Variants in OVCH1 observed in about 807,000 individuals in gnomAD.
The protein encoded by OVCH1 is ovochymase 1, also known as ovochymase-1.
In OVCH1, 139 loss-of-function variants were observed where a neutral mutation model predicts 138.4. That is an observed-to-expected ratio of 1.00 (90% CI 0.87 to 1.16). The LOEUF (loss-of-function observed/expected upper bound fraction) is 1.16, where lower values mean the gene tolerates loss of function less well. Ranked by LOEUF, OVCH1 falls within the 50% of genes most tolerant of loss-of-function variation. The pLI, the probability that OVCH1 is intolerant of heterozygous loss-of-function variation, is 0.00. For missense variants in OVCH1, 1,367 were observed against 1,357.9 expected (o/e 1.01, Z -0.11); for synonymous variants, 453 against 467.8 (o/e 0.97, Z 0.41).
intron 26 of OVCH1, among the ~76,000 whole-genome samples, chr12:29,436,925 G>C (rs1317688515): frequency 6.6e-6 from 1 of 152,158 alleles, no homozygotes; most frequent in Non-Finnish European, 1.5e-5. Context: ...GACCCAAGCG[G>C]GTTGCTGCTG....
chr12:29,496,476 A>G, intron 2 of OVCH1, 80 bp downstream of exon 2: 1 of 1,328,816 alleles, frequency 7.5e-7, no homozygotes, highest in East Asian at 2.3e-5. Flanking sequence ...ACTACATATC[A>G]ACGTGCATTC....
At chr12:29,492,746 A>C (rs1352170899) in intron 4 of OVCH1, among the ~76,000 whole-genome samples, 1 of 152,170 alleles carries the variant, frequency 6.6e-6, no homozygotes, top group Non-Finnish European at 1.5e-5. Context: ...GGATGAGGTC[A>C]CAAAGAGAAT....
rs760590138 is a variant in OVCH1 at position 29,464,577 on chromosome 12, G to C, written c.2055C>G (p.Leu685=). The change falls in exon 18 of 28, where the codon CTC becomes CTG. Residue 685 remains leucine, a synonymous_variant. Transcript: ENST00000318184. ...AAAATAGAGGCTCTGCGCTGTGTGG[G>C]AGACATACTGGCCTCACCACCGAGT... 8 of 1,613,484 alleles carry C rather than the reference G, an allele frequency of 5.0e-6. No homozygotes were observed. The East Asian group carries it at 1.8e-4, about 36-fold the overall frequency.
At position 29,484,463 on chromosome 12, in the gene OVCH1, C is replaced by T. The variant is rs374807548; in HGVS notation, c.995+1783G>A. ...CAAAAAATATCAGATAAAATAGATA[C>T]TTTTATATTAGAACTGGAGATACCA... On this transcript the variant is annotated intron_variant, in intron 8 of 27. Transcript: ENST00000318184. Among the ~76,000 whole-genome samples, 37 of 152,214 alleles carry T rather than the reference C, an allele frequency of 2.4e-4. No homozygotes were observed. In the East Asian group the frequency reaches 6.2e-3, roughly 25 times the overall value.
At chr12:29,419,470 A>C (rs1361058722) in intron 3 of OVCH1, among the ~76,000 whole-genome samples, 3 of 143,374 alleles carry the variant, frequency 2.1e-5, no homozygotes, top group Non-Finnish European at 3.1e-5. Context: ...TTTTTTTTTA[A>C]TTTTTAGTAG....
the OVCH1 span, among the ~76,000 whole-genome samples, chr12:29,405,166 A>G: frequency 6.6e-6 from 1 of 152,116 alleles, no homozygotes; most frequent in Admixed American, 6.6e-5. Flanking sequence ...CACTTCAACT[A>G]TCAAATTACT....
At chr12:29,427,585 G>A in exon 28 of OVCH1, 1 of 1,551,480 alleles carries the variant, frequency 6.4e-7, no homozygotes, top group Non-Finnish European at 8.7e-7. Context: ...GAACCAGAAA[G>A]TGAGCCCTTA....
downstream of OVCH1, among the ~76,000 whole-genome samples, chr12:29,425,745 C>T (rs1407434191): frequency 1.3e-5 from 2 of 152,074 alleles, no homozygotes; most frequent in African/African-American, 4.8e-5. Context: ...CTCAACAATG[C>T]CTGGATAATG....
intron 12 of OVCH1, 61 bp from the exon 13 acceptor site, chr12:29,476,360 G>A (rs1942715432): frequency 7.4e-7 from 1 of 1,360,322 alleles, no homozygotes; most frequent in Non-Finnish European, 1.0e-6. Flanking sequence ...AAGCTTAAAG[G>A]GTTTTCCTCT....
At chr12:29,463,041 TAGAG>T (rs960521888) in intron 18 of OVCH1, among the ~76,000 whole-genome samples, 3 of 152,138 alleles carry the variant, frequency 2.0e-5, no homozygotes, top group Non-Finnish European at 4.4e-5. Flanking sequence ...TCAAAGGTAT[TAGAG>T]AGCAGGCACA....
Position 29,420,295 on chromosome 12 carries a change from A to T in OVCH1, c.*71+2832T>A, listed in dbSNP as rs1054449405. 2.6e-5 allele frequency among the ~76,000 whole-genome samples: 4 copies of T among 152,312 alleles called. No homozygotes were observed. The East Asian group carries it at 7.7e-4, about 29-fold the overall frequency. On this transcript the variant is annotated intron_variant and NMD_transcript_variant, in intron 3 of 4. Coordinates refer to the OVCH1 transcript ENST00000539117. The stretch of plus-strand genomic sequence containing the variant: ...TATATTTATTTTGGGAGCAGGTATG[A>T]TGATCAGTCAGTAGAGGAGAGCAAG...
intron 15 of OVCH1, 110 bp downstream of exon 15, chr12:29,472,916 ATTC>A (rs1482425636): frequency 2.2e-5 from 20 of 893,544 alleles, no homozygotes; most frequent in Admixed American, 2.2e-4. Context: ...TATAAGACTC[ATTC>A]TTCTTCACTG....
exon 18 of OVCH1, chr12:29,464,681 T>C (rs370675193): frequency 6.2e-7 from 1 of 1,613,146 alleles, no homozygotes; most frequent in African/African-American, 1.3e-5. Context: ...TCATGCACTA[T>C]TATGTGTTTG....
chr12:29,440,113 C>T (rs1337147954), intron 25 of OVCH1, among the ~76,000 whole-genome samples: 1 of 152,164 alleles, frequency 6.6e-6, no homozygotes, highest in African/African-American at 2.4e-5. Flanking sequence ...CTCCCCTACC[C>T]AGAGGTTGGG....
chr12:29,414,006 TCC>T, intron 3 of OVCH1, among the ~76,000 whole-genome samples: 3 of 103,272 alleles, frequency 2.9e-5, no homozygotes, highest in Non-Finnish European at 7.2e-5. Context: ...CTGGCTTTTC[TCC>T]TCTCTCTCTC....
intron 8 of OVCH1, among the ~76,000 whole-genome samples, chr12:29,485,911 C>T (rs1943084189): frequency 2.0e-5 from 3 of 151,560 alleles, no homozygotes; most frequent in African/African-American, 7.3e-5. Context: ...TGCCACCGCA[C>T]TCCAGCCTGG....
intron 5 of OVCH1, among the ~76,000 whole-genome samples, chr12:29,490,090 G>A (rs1406258845): frequency 6.6e-6 from 1 of 152,048 alleles, no homozygotes; most frequent in Non-Finnish European, 1.5e-5. Context: ...TTAAGACAAG[G>A]TGTCCCTCTG....
At chr12:29,422,509 G>T (rs1043058914) in intron 3 of OVCH1, among the ~76,000 whole-genome samples, 2 of 152,002 alleles carry the variant, frequency 1.3e-5, no homozygotes, top group Admixed American at 1.3e-4. Flanking sequence ...AAATTAATTA[G>T]GTTTTTAATT....
exon 7 of OVCH1, chr12:29,487,767 T>C (rs757295961): frequency 5.0e-6 from 8 of 1,606,862 alleles, no homozygotes; most frequent in Admixed American, 3.4e-5. Flanking sequence ...TGCCTTCACA[T>C]GGTTGTTTCT....
Sources: gnomAD v4.1 joint callset for allele counts (sites outside exome capture counted in the v4.1 genomes callset) on GRCh38, gnomAD v4.1.1 for gene constraint, MANE v1.5 for transcripts, NCBI Gene and HGNC (gene_info 2026-07-23, HGNC 2026-07-21) for gene names.